Variants in MICU1 observed in about 807,000 individuals in gnomAD.
MICU1 encodes the protein calcium uptake protein 1, mitochondrial.
Under a neutral mutation model 56.8 loss-of-function variants are expected in MICU1, and 45 were observed. The observed-to-expected ratio is 0.79, with a 90% CI of 0.62 to 1.02. The LOEUF is 1.02. Among genes scored for constraint, MICU1 ranks in the 50% least tolerant of loss-of-function variants. The pLI is 0.00. For missense variants in MICU1, 504 were observed against 587.1 expected, an observed-to-expected ratio of 0.86 and a Z score of 1.46; for synonymous variants, 186 against 195.1, an observed-to-expected ratio of 0.95 and a Z score of 0.39.
Position 72,475,086 on chromosome 10 carries a change from TAAGG to T in MICU1, c.933+10_933+13del. The T allele has an allele frequency of 6.2e-7, 1 of 1,601,024 alleles. No homozygotes were observed. The highest frequency in any genetic ancestry group is 8.5e-7 in the Non-Finnish European group (1 of 1,173,290). On this transcript the variant is annotated intron_variant, in intron 8 of 11. Coordinates refer to ENST00000361114, the MANE Select transcript of MICU1 (RefSeq NM_001195518.2). The stretch of plus-strand genomic sequence containing the variant: ...CCACATGTGATGGATCTACTGAGTC[TAAGG>T]AAGACCTACCTCAAGCTTCAGAACA...
intron 5 of MICU1, among the ~76,000 whole-genome samples, chr10:72,526,932 CAAAAAAAAA>C (rs57033966): frequency 7.8e-6 from 1 of 127,638 alleles, no homozygotes; most frequent in Non-Finnish European, 1.6e-5. Flanking sequence ...GTAATGGCTT[CAAAAAAAAA>C]AAAAAAAAAA....
intron 1 of MICU1, among the ~76,000 whole-genome samples, chr10:72,613,898 A>G (rs1841915164): frequency 6.6e-6 from 1 of 152,192 alleles, no homozygotes; most frequent in Non-Finnish European, 1.5e-5. Flanking sequence ...TAATCCCAGC[A>G]CTTTGGGAGG....
chr10:72,443,348 T>C (rs1418041384), intron 8 of MICU1, among the ~76,000 whole-genome samples: 2 of 152,216 alleles, frequency 1.3e-5, no homozygotes, highest in African/African-American at 4.8e-5. Context: ...GTAGTTTCTT[T>C]TGTTGTGCAG....
At chr10:72,509,325 G>A in intron 5 of MICU1, 5 of 1,216,598 alleles carry the variant, frequency 4.1e-6, no homozygotes, top group Non-Finnish European at 5.5e-6. Context: ...AACTTCAAGA[G>A]GAGTATGATG....
intron 1 of MICU1, among the ~76,000 whole-genome samples, chr10:72,593,660 GA>G (rs1428937850): frequency 6.6e-6 from 1 of 152,038 alleles, no homozygotes; most frequent in Non-Finnish European, 1.5e-5. Flanking sequence ...ACTAATAAAT[GA>G]ATTCAGCAAG....
At chr10:72,460,788 G>A (rs969806666) in intron 8 of MICU1, among the ~76,000 whole-genome samples, 14 of 150,614 alleles carry the variant, frequency 9.3e-5, no homozygotes, top group Non-Finnish European at 1.5e-4. Context: ...TTTCTTCTAA[G>A]AAAGAAAAAA....
intron 5 of MICU1, chr10:72,523,782 A>G: frequency 6.9e-7 from 1 of 1,446,844 alleles, no homozygotes; most frequent in South Asian, 1.5e-5. Context: ...CAAGCCTTCA[A>G]AGATCAATTT....
intron 1 of MICU1, among the ~76,000 whole-genome samples, chr10:72,625,771 G>A (rs1842213652): frequency 6.6e-6 from 1 of 152,160 alleles, no homozygotes; most frequent in Non-Finnish European, 1.5e-5. Context: ...GAGAAGGGAC[G>A]GGTTGGGGTG....
chr10:72,424,895 C>T (rs1216628027), intron 8 of MICU1, among the ~76,000 whole-genome samples: 1 of 152,162 alleles, frequency 6.6e-6, no homozygotes, highest in Non-Finnish European at 1.5e-5. Flanking sequence ...CTAAAGAAAT[C>T]AACATCATCA....
intron 8 of MICU1, among the ~76,000 whole-genome samples, chr10:72,445,512 T>G (rs1377502241): frequency 6.6e-6 from 1 of 152,200 alleles, no homozygotes; most frequent in Non-Finnish European, 1.5e-5. Context: ...AGGAATCCTT[T>G]CATTTAGTCT....
chr10:72,601,247 C>G (rs1425739616), intron 1 of MICU1, among the ~76,000 whole-genome samples: 1 of 151,742 alleles, frequency 6.6e-6, no homozygotes, highest in Admixed American at 6.6e-5. Flanking sequence ...AATAAGGAGA[C>G]CCTGTATCTA....
At chr10:72,569,237 A>ATATATATATATATATTTT in intron 1 of MICU1, among the ~76,000 whole-genome samples, 1 of 34,376 alleles carries the variant, frequency 2.9e-5, no homozygotes, top group South Asian at 1.4e-3. Flanking sequence ...ATATATATAT[A>ATATATATATATATATTTT]TTTTTTTTTT....
At chr10:72,562,147 C>CTTTTTTTTTTT (rs533702573) in intron 3 of MICU1, among the ~76,000 whole-genome samples, 18 of 82,652 alleles carry the variant, frequency 2.2e-4, no homozygotes, top group African/African-American at 4.0e-4. Context: ...TACATAAAAT[C>CTTTTTTTTTTT]TTTTTTTTTT....
intron 8 of MICU1, among the ~76,000 whole-genome samples, chr10:72,464,295 C>CAAAAA (rs58499998): frequency 2.0e-5 from 2 of 100,014 alleles, no homozygotes; most frequent in African/African-American, 8.9e-5. Flanking sequence ...GATTCTGTCT[C>CAAAAA]AAAAAAAAAA....
At chr10:72,406,606 A>C (rs1245107140) in intron 10 of MICU1, among the ~76,000 whole-genome samples, 1 of 147,602 alleles carries the variant, frequency 6.8e-6, no homozygotes, top group Non-Finnish European at 1.5e-5. Context: ...TATACTCCTT[A>C]TTAAAAAAAA....
chr10:72,610,503 A>C (rs1421235225), intron 1 of MICU1, among the ~76,000 whole-genome samples: 1 of 152,196 alleles, frequency 6.6e-6, no homozygotes, highest in East Asian at 1.9e-4. Flanking sequence ...GAGATAGTAA[A>C]GCACTCTGAA....
At chr10:72,374,594 A>G (rs1410594248) in intron 11 of MICU1, among the ~76,000 whole-genome samples, 1 of 152,152 alleles carries the variant, frequency 6.6e-6, no homozygotes, top group African/African-American at 2.4e-5. Flanking sequence ...AAGGAATAAA[A>G]AAGCCCAGAA....
chr10:72,430,271 G>A (rs932596761), intron 8 of MICU1, among the ~76,000 whole-genome samples: 1 of 151,970 alleles, frequency 6.6e-6, no homozygotes, highest in Non-Finnish European at 1.5e-5. Context: ...TGGACATCTA[G>A]GCTGTTTCAT....
chr10:72,533,937 C>A (rs1411296584), intron 4 of MICU1, 148 bp from the exon 5 acceptor site: 10 of 587,904 alleles, frequency 1.7e-5, no homozygotes, highest in Non-Finnish European at 2.9e-5. Flanking sequence ...TTTTGCCCCA[C>A]TTTCAGATTT....
Sources: gnomAD v4.1 joint callset for allele counts (sites outside exome capture counted in the v4.1 genomes callset) on GRCh38, gnomAD v4.1.1 for gene constraint, MANE v1.5 for transcripts, NCBI Gene and HGNC (gene_info 2026-07-23, HGNC 2026-07-21) for gene names.